DDAH1: variants seen among roughly 807,000 people sequenced by gnomAD.
The protein encoded by DDAH1 is N(G),N(G)-dimethylarginine dimethylaminohydrolase 1.
In DDAH1, 19 loss-of-function variants were observed where a neutral mutation model predicts 28.8. That is an observed-to-expected ratio of 0.66 (90% CI 0.46 to 0.97). The LOEUF (loss-of-function observed/expected upper bound fraction) is 0.97, where lower values mean the gene tolerates loss of function less well. Among genes scored for constraint, DDAH1 ranks in the 50% least tolerant of loss-of-function variants. The pLI, the probability that DDAH1 is intolerant of heterozygous loss-of-function variation, is 0.00. For synonymous variants in DDAH1, 153 were observed against 154.4 expected, an observed-to-expected ratio of 0.99 and a Z score of 0.07; for missense variants, 326 against 375.9, an observed-to-expected ratio of 0.87 and a Z score of 1.10.
chr1:85,348,705 C>A (rs950094404), intron 4 of DDAH1, among the ~76,000 whole-genome samples: 1 of 152,196 alleles, frequency 6.6e-6, no homozygotes, highest in Admixed American at 6.5e-5. Flanking sequence ...GGAACGCCCC[C>A]TTTTCCTCTG....
intron 1 of DDAH1, among the ~76,000 whole-genome samples, chr1:85,532,143 C>A (rs1455524645): frequency 3.3e-5 from 5 of 151,810 alleles, no homozygotes; most frequent in Admixed American, 3.3e-4. Flanking sequence ...TACCTGCTGT[C>A]TTAGAGACCC....
At chr1:85,460,101 A>G (rs549420500) in intron 1 of DDAH1, among the ~76,000 whole-genome samples, 1 of 152,286 alleles carries the variant, frequency 6.6e-6, no homozygotes, top group East Asian at 1.9e-4. Context: ...TATCTTTTGA[A>G]TAGGGTTAAT....
Position 85,516,850 on chromosome 1 carries a change from G to A in DDAH1, c.-122-20569C>T, listed in dbSNP as rs561355254. On this transcript the variant is annotated intron_variant, in intron 1 of 6. Coordinates refer to the DDAH1 transcript ENST00000426972. ...GTTCTTTCTGCTTCTACACAACTAA[G>A]TAGTTCTGTGTTTAGTTTTTTCTGG... 3.9e-5 allele frequency among the ~76,000 whole-genome samples: 6 copies of A among 152,102 alleles called. No individual in the cohort carries two copies. The East Asian group carries it at 1.2e-3, about 29-fold the overall frequency.
chr1:85,410,138 A>T (rs773821960), intron 1 of DDAH1, among the ~76,000 whole-genome samples: 1 of 151,836 alleles, frequency 6.6e-6, no homozygotes, highest in Non-Finnish European at 1.5e-5. Context: ...AAAATTAGCC[A>T]GGCACACTGC....
At chr1:85,358,370 C>T (rs1649595432) in intron 2 of DDAH1, among the ~76,000 whole-genome samples, 1 of 152,158 alleles carries the variant, frequency 6.6e-6, no homozygotes. Flanking sequence ...CTACAATAGG[C>T]TGGGCATGGT....
chr1:85,572,563 A>T (rs1325579948), intron 1 of DDAH1, among the ~76,000 whole-genome samples: 1 of 152,204 alleles, frequency 6.6e-6, no homozygotes. Flanking sequence ...GTTTATAAAG[A>T]TCTGATGAGA....
At chr1:85,397,702 C>G (rs569159680) in intron 1 of DDAH1, among the ~76,000 whole-genome samples, 1 of 152,238 alleles carries the variant, frequency 6.6e-6, no homozygotes, top group South Asian at 2.1e-4. Flanking sequence ...GTTTAATTGC[C>G]AAGGCTTTGA....
intron 1 of DDAH1, among the ~76,000 whole-genome samples, chr1:85,434,938 C>G (rs1166478119): frequency 1.3e-5 from 2 of 151,750 alleles, no homozygotes; most frequent in Non-Finnish European, 2.9e-5. Context: ...AAATAGAAAT[C>G]TTGACAGTAT....
chr1:85,382,176 T>G (rs545370056), intron 1 of DDAH1, among the ~76,000 whole-genome samples: 26 of 152,126 alleles, frequency 1.7e-4, no homozygotes, highest in Non-Finnish European at 3.2e-4. Context: ...GAAGTTGAGT[T>G]GTTGAAGGAA....
In DDAH1 at chr1:85,519,088, C is replaced by T. The variant is rs1255063192; in HGVS notation, c.-122-22807G>A. Among the ~76,000 whole-genome samples the T allele has an allele frequency of 1.0e-3, 70 of 69,126 alleles. 2 individuals are homozygous for T. In the South Asian group the frequency reaches 0.024, roughly 23 times the overall value. 45.3% of individuals were successfully genotyped at this position (69,126 alleles called of 152,430 possible). ...CAAGAAGAAACGAGGAAAGACGGATCTTTTTTTTTTTTTTTTTTTTTTTGA... is the reference window on the plus strand; with the variant it reads ...CAAGAAGAAACGAGGAAAGACGGATTTTTTTTTTTTTTTTTTTTTTTTTGA... On this transcript the variant is annotated intron_variant, in intron 1 of 6. Coordinates refer to the DDAH1 transcript ENST00000426972.
intron 4 of DDAH1, among the ~76,000 whole-genome samples, chr1:85,328,254 T>G (rs1647534745): frequency 6.6e-6 from 1 of 152,188 alleles, no homozygotes; most frequent in Non-Finnish European, 1.5e-5. Flanking sequence ...ATGTGGCACC[T>G]AAGGGCATTC....
chr1:85,344,615 T>G (rs1257626483), intron 4 of DDAH1, among the ~76,000 whole-genome samples: 2 of 150,668 alleles, frequency 1.3e-5, no homozygotes, highest in Non-Finnish European at 3.0e-5. Context: ...TTTCCTTCCT[T>G]AAGAAAATTT....
At chr1:85,512,027 C>G (rs1657255834) in intron 1 of DDAH1, among the ~76,000 whole-genome samples, 1 of 152,170 alleles carries the variant, frequency 6.6e-6, no homozygotes, top group African/African-American at 2.4e-5. Flanking sequence ...GATACCAAAG[C>G]CTGGCAGAGA....
chr1:85,384,992 T>C (rs1299831465), intron 1 of DDAH1, among the ~76,000 whole-genome samples: 1 of 152,234 alleles, frequency 6.6e-6, no homozygotes, highest in Non-Finnish European at 1.5e-5. Context: ...TTTATAACTG[T>C]ATAGCAGTCT....
At chr1:85,373,266 A>G (rs1030313085) in intron 1 of DDAH1, among the ~76,000 whole-genome samples, 3 of 152,202 alleles carry the variant, frequency 2.0e-5, no homozygotes, top group African/African-American at 7.2e-5. Flanking sequence ...TCTTCAGGGC[A>G]CAATGTAACA....
intron 2 of DDAH1, among the ~76,000 whole-genome samples, chr1:85,351,929 C>A (rs987261090): frequency 3.9e-5 from 6 of 152,048 alleles, no homozygotes; most frequent in African/African-American, 1.5e-4. Context: ...TGCCTCTGAA[C>A]TGTACACTTA....
At chr1:85,485,309 GT>G (rs947878047) in intron 2 of DDAH1, among the ~76,000 whole-genome samples, 8 of 151,450 alleles carry the variant, frequency 5.3e-5, no homozygotes, top group South Asian at 2.1e-4. Flanking sequence ...AGCTTAGGTA[GT>G]TTTTTTTTAA....
chr1:85,379,382 C>A (rs1351772992), intron 1 of DDAH1, among the ~76,000 whole-genome samples: 2 of 152,116 alleles, frequency 1.3e-5, no homozygotes, highest in Non-Finnish European at 2.9e-5. Context: ...TCCTGGATGA[C>A]CTAATATTTA....
chr1:85,421,710 G>A (rs1653148567), intron 1 of DDAH1, among the ~76,000 whole-genome samples: 1 of 151,990 alleles, frequency 6.6e-6, no homozygotes, highest in Non-Finnish European at 1.5e-5. Context: ...AGCCTTTTTG[G>A]ATTGGCTGCT....
Sources: allele counts gnomAD v4.1 joint callset (sites outside exome capture counted in the v4.1 genomes callset), GRCh38; gene constraint gnomAD v4.1.1; transcripts MANE v1.5; gene names NCBI Gene and HGNC (gene_info 2026-07-23, HGNC 2026-07-21).